The following ZNF835 variants were observed in gnomAD, a reference collection of about 807,000 sequenced individuals.
ZNF835 encodes zinc finger protein 835.
For synonymous variants in ZNF835, 323 were observed against 324.7 expected, an observed-to-expected ratio of 0.99 and a Z score of 0.06; for missense variants, 783 against 758.4, an observed-to-expected ratio of 1.03 and a Z score of -0.38.
At position 56,665,007 on chromosome 19, in the gene ZNF835, T is replaced by C. The variant is rs1257692017; in HGVS notation, c.192A>G (p.Ile64Met). 2 of 1,613,858 alleles carry C rather than the reference T, an allele frequency of 1.2e-6. No individual in the cohort carries two copies. The highest frequency in any genetic ancestry group is 2.7e-5 in the African/African-American group (2 of 74,938). ...RDEFSRIPRT[I>M]SSPAATQASV... ...TGGCTTGGGTAGCAGCAGGGCTCGATATGGTTCTTGGGATTCGGCTGAATT... is the reference window on the plus strand; with the variant it reads ...TGGCTTGGGTAGCAGCAGGGCTCGACATGGTTCTTGGGATTCGGCTGAATT... The change falls in exon 2 of 2, where the codon ATA becomes ATG. Residue 64 changes from isoleucine to methionine, a missense_variant. Physicochemically the swap from Ile to Met is conservative, Grantham distance 10. Coordinates refer to ENST00000537055, the MANE Select transcript of ZNF835 (RefSeq NM_001005850.3).
At chr19:56,670,969 T>C (rs548061315) in intron 1 of ZNF835, among the ~76,000 whole-genome samples, 1 of 152,376 alleles carries the variant, frequency 6.6e-6, no homozygotes, top group South Asian at 2.1e-4. Context: ...AACGAGCACA[T>C]AACACACCGA....
chr19:56,665,165 C>T lies in ZNF835; in HGVS notation c.34G>A (p.Ala12Thr), dbSNP rs750515903. The T allele has an allele frequency of 5.0e-6, 8 of 1,613,990 alleles. No individual in the cohort carries two copies. The highest frequency in any genetic ancestry group is 6.8e-6 in the Non-Finnish European group (8 of 1,179,880). ...TGTTTCCAGTTTCCTTCCAACTCTG[C>T]GCCCTGGAGGGCGACGCTCAAGAGT... ...EGLLSVALQG[A>T]ELEGNWKHEG... Residue 12 changes from alanine (A) to threonine (T), a missense_variant, in exon 2 of 2, where the codon GCA (alanine) becomes ACA (threonine). Transcript: ENST00000537055.
intron 1 of ZNF835, among the ~76,000 whole-genome samples, chr19:56,668,512 G>T (rs1201043983): frequency 6.6e-6 from 1 of 151,968 alleles, no homozygotes. Flanking sequence ...TCACAGGCAG[G>T]CACCACCAAC....
chr19:56,663,599 G>A lies in ZNF835; in HGVS notation c.1600C>T (p.Pro534Ser). 6.2e-7 allele frequency: 1 copy of A among 1,614,000 alleles called. No homozygotes were observed. Among genetic ancestry groups the A allele is most frequent in the East Asian group, 2.2e-5 (1 of 44,880 alleles). Residue 534 changes from proline (P) to serine (S), a missense_variant, in exon 2 of 2, where the codon CCA becomes TCA. Physicochemically the swap from Pro to Ser is moderately conservative, Grantham distance 74 (BLOSUM62 -1). Transcript: ENST00000537055. ...GCCCTCAGCTCTTAATCTTCTGCTG[G>A]TCCACGCGGGTTTCTGCCAGGGCAC... Reference protein sequence around the residue: ...QGCPGRNPRGPAED With the variant: ...QGCPGRNPRGSAED
chr19:56,670,487 C>T (rs1600635083), intron 1 of ZNF835, among the ~76,000 whole-genome samples: 1 of 152,240 alleles, frequency 6.6e-6, no homozygotes, highest in South Asian at 2.1e-4. Flanking sequence ...CCATCACCTG[C>T]AGCCACACTC....
intron 1 of ZNF835, among the ~76,000 whole-genome samples, chr19:56,668,151 C>T (rs559050696): frequency 6.6e-6 from 1 of 152,088 alleles, no homozygotes; most frequent in African/African-American, 2.4e-5. Flanking sequence ...GCATGCGCTA[C>T]CATGTTCAGC....
At chr19:56,668,284 A>C (rs78610490) in intron 1 of ZNF835, among the ~76,000 whole-genome samples, 24,190 of 151,654 alleles carry the variant, frequency 0.16, 2,450 homozygotes, top group East Asian at 0.41. Context: ...GGCATGTGCC[A>C]CTGTGCCCGG....
Position 56,664,715 on chromosome 19 carries a change from C to T in ZNF835, c.484G>A (p.Gly162Ser). 6 of 1,611,478 alleles carry T rather than the reference C, an allele frequency of 3.7e-6. No individual in the cohort carries two copies. Among genetic ancestry groups the T allele is most frequent in the Non-Finnish European group, 5.1e-6 (6 of 1,178,364 alleles). The stretch of plus-strand genomic sequence containing the variant: ...TCGTGGCAGGCGTAGGGCTTCTCGC[C>T]CGTGTGCGTGCGCTGGTGCAGGGTC... ...HLTLHQRTHT[G>S]EKPYACHECG... The change falls in exon 2 of 2, where the codon GGC becomes AGC. Residue 162 changes from glycine to serine, a missense_variant. Transcript: ENST00000537055.
At chr19:56,671,188 C>T (rs980008050) in intron 1 of ZNF835, among the ~76,000 whole-genome samples, 2 of 132,972 alleles carry the variant, frequency 1.5e-5, no homozygotes, top group Admixed American at 8.2e-5. Context: ...CAGGGACGGG[C>T]TCACAGGCAG....
In ZNF835 at chr19:56,664,230, C is replaced by T. The variant is rs377416170; in HGVS notation, c.969G>A (p.Glu323=). 4 of 1,601,980 alleles carry T rather than the reference C, an allele frequency of 2.5e-6. No homozygotes were observed. Among genetic ancestry groups the T allele is most frequent in the African/African-American group, 2.7e-5 (2 of 73,866 alleles). Residue 323 remains glutamate (E), a synonymous_variant, in exon 2 of 2, where the codon GAG becomes GAA. Transcript: ENST00000537055. ...ALFSQSASLA[E]HRRIHTGEKP... is the part of the protein sequence containing the mutation. ...TCTCGCCTGTGTGGATGCGCCGGTG[C>T]TCGGCCAGAGAGGCGCTCTGGCTGA...
intron 1 of ZNF835, chr19:56,665,594 C>A (rs8111610): frequency 3.7e-5 from 16 of 431,726 alleles, no homozygotes; most frequent in African/African-American, 2.6e-4. Context: ...TTGAGACCAG[C>A]AAACTGTCTG....
rs780098231 is a variant in ZNF835, at chr19:56,664,421, G to A, written c.778C>T (p.Arg260Cys). 4.4e-6 allele frequency: 7 copies of A among 1,605,490 alleles called. No individual in the cohort carries two copies. The highest frequency in any genetic ancestry group is 3.4e-5 in the Admixed American group (2 of 59,138). ...YECSACAKAFRFSSALIRHQR... is the reference protein window; with the variant it reads ...YECSACAKAFCFSSALIRHQR... ...TGGCGGATGAGCGCTGAGGAGAAGCGGAAGGCCTTGGCGCACGCGGAGCAC... is the reference window on the plus strand; with the variant it reads ...TGGCGGATGAGCGCTGAGGAGAAGCAGAAGGCCTTGGCGCACGCGGAGCAC... Residue 260 changes from arginine to cysteine, a missense_variant, in exon 2 of 2, where the codon CGC (arginine) becomes TGC (cysteine). Arg to Cys is a radical substitution (Grantham distance 180). Transcript: ENST00000537055.
In ZNF835 at chr19:56,663,083, C is replaced by T. The variant is rs2045198766; in HGVS notation, c.*502G>A. ...GGCTGAGGTAGGGGAATCACTTGAA[C>T]CCGGGAGGCGGAGGTTGCAGTGAGC... is the stretch of plus-strand genomic sequence containing the variant. On this transcript the variant is annotated 3_prime_UTR_variant, in exon 2 of 2. Transcript: ENST00000537055. 6.4e-6 allele frequency: 1 copy of T among 156,396 alleles called. No homozygotes were observed. The highest frequency in any genetic ancestry group is 2.4e-5 in the African/African-American group (1 of 41,098). The allele number at this position is 156,396 out of a possible 1,614,324, so 9.7% of individuals were successfully genotyped here. A position where few individuals can be genotyped will look rare whatever the true frequency, so the allele number is the denominator to read the frequency against.
rs1476517476 is a variant in ZNF835 at position 56,663,776 on chromosome 19, C to A, written c.1423G>T (p.Glu475Ter). The stretch of plus-strand genomic sequence containing the variant: ...AAGGCCTTCCCGCAGCCGCTGCACT[C>A]GTAGGGCTTCTCCCCGGTGTGCACG... ...HIVHTGEKPY[E>*]CSGCGKAFSF... The change falls in exon 2 of 2, where the codon GAG becomes TAG. Residue 475 changes from glutamate to a stop codon, truncating the protein, a stop_gained. Transcript: ENST00000537055. LOFTEE classifies it low-confidence loss of function (END_TRUNC). The A allele has an allele frequency of 5.2e-5, 84 of 1,613,796 alleles. No homozygotes were observed. Among genetic ancestry groups the A allele is most frequent in the Non-Finnish European group, 6.9e-5 (81 of 1,179,916 alleles).
At position 56,664,019 on chromosome 19, in the gene ZNF835, G is replaced by A. The variant is rs755761339; in HGVS notation, c.1180C>T (p.Gln394Ter). 2 of 1,611,126 alleles carry A rather than the reference G, an allele frequency of 1.2e-6. No homozygotes were observed. The highest frequency in any genetic ancestry group is 2.2e-5 in the South Asian group (2 of 91,016). ...HTGERPYRCL[Q>*]CGAAFSHVSS... Reference sequence around the variant, plus strand: ...ACGTGGCTGAAGGCGGCCCCGCATTGCAGGCACCTGTAGGGCCGCTCACCG... The same window carrying A: ...ACGTGGCTGAAGGCGGCCCCGCATTACAGGCACCTGTAGGGCCGCTCACCG... Residue 394 changes from glutamine (Q) to a stop codon, truncating the protein, a stop_gained, in exon 2 of 2, where the codon CAA (glutamine) becomes TAA (stop). Coordinates refer to ENST00000537055, the MANE Select transcript of ZNF835 (RefSeq NM_001005850.3). LOFTEE classifies it low-confidence loss of function (END_TRUNC).
Position 56,664,427 on chromosome 19 carries a change from C to A in ZNF835, c.772G>T (p.Ala258Ser), listed in dbSNP as rs1339751523. Residue 258 changes from alanine (A) to serine (S), a missense_variant, in exon 2 of 2, where the codon GCC becomes TCC. Coordinates refer to ENST00000537055, the MANE Select transcript of ZNF835 (RefSeq NM_001005850.3). ...ATGAGCGCTGAGGAGAAGCGGAAGG[C>A]CTTGGCGCACGCGGAGCACTCGTAG... ...KPYECSACAK[A>S]FRFSSALIRH... 1 of 1,612,032 alleles carries A rather than the reference C, an allele frequency of 6.2e-7. No individual in the cohort carries two copies. Among genetic ancestry groups the A allele is most frequent in the Non-Finnish European group, 8.5e-7 (1 of 1,179,216 alleles).
rs1178521251 is a variant in ZNF835 at position 56,665,285 on chromosome 19, A to G, written c.-47-40T>C. 5 of 1,561,972 alleles carry G rather than the reference A, an allele frequency of 3.2e-6. No individual in the cohort carries two copies. In the Admixed American group the frequency reaches 7.0e-5, roughly 22 times the overall value. ...ATAGAAAAAAAAATTAAATGTTGCC[A>G]CTTGTCCTGAGCTGGAAAAATGGCT... On this transcript the variant is annotated intron_variant, in intron 1 of 1. Transcript: ENST00000537055.
intron 1 of ZNF835, among the ~76,000 whole-genome samples, chr19:56,667,958 G>GTTTC (rs551526012): frequency 2.0e-5 from 3 of 152,008 alleles, no homozygotes; most frequent in African/African-American, 2.4e-5. Flanking sequence ...AATAAATGCT[G>GTTTC]TTTCTTTCTT....
Position 56,663,670 on chromosome 19 carries a change from T to A in ZNF835, c.1529A>T (p.Asp510Val). The A allele has an allele frequency of 6.2e-7, 1 of 1,614,040 alleles. No individual in the cohort carries two copies. The highest frequency in any genetic ancestry group is 8.5e-7 in the Non-Finnish European group (1 of 1,179,904). Residue 510 changes from aspartate (D) to valine (V), a missense_variant, in exon 2 of 2, where the codon GAC (aspartate) becomes GTC (valine). Asp to Val is a radical substitution (Grantham distance 152). Coordinates refer to ENST00000537055, the MANE Select transcript of ZNF835 (RefSeq NM_001005850.3). The stretch of plus-strand genomic sequence containing the variant: ...TCCCTGTGAGAGCCCAGGTGTTGAG[T>A]CAGGCGTGGGAGCTGGGCAAAGGCG... The part of the protein sequence containing the change: ...SGRLCPAPTP[D>V]STPGLSQGGE...
Sources: allele counts gnomAD v4.1 joint callset (sites outside exome capture counted in the v4.1 genomes callset), GRCh38; gene constraint gnomAD v4.1.1; transcripts MANE v1.5; gene names NCBI Gene and HGNC (gene_info 2026-07-23, HGNC 2026-07-21).